CHL1: variants seen among roughly 807,000 people sequenced by gnomAD.
CHL1 encodes the protein cell adhesion molecule L1 like.
In CHL1, 96 loss-of-function variants were observed where a neutral mutation model predicts 141.9. The ratio of observed to expected loss-of-function variants is 0.68; its 90% confidence interval spans 0.57 to 0.80. The LOEUF (loss-of-function observed/expected upper bound fraction) is 0.80. Among genes scored for constraint, CHL1 ranks in the 30% least tolerant of loss-of-function variants. CHL1 has a pLI of 0.00. For synonymous variants in CHL1, 613 were observed against 502.2 expected (o/e 1.22, Z -2.95); for missense variants, 1,820 against 1,457.2 (o/e 1.25, Z -4.05).
chr3:215,061 C>G (rs558000814), intron 1 of CHL1, among the ~76,000 whole-genome samples: 2 of 152,046 alleles, frequency 1.3e-5, no homozygotes, highest in African/African-American at 4.8e-5. Flanking sequence ...CTCATGCTAG[C>G]AAAATGAAAA....
At chr3:337,185 GT>G (rs1159691986) in intron 5 of CHL1, among the ~76,000 whole-genome samples, 10 of 81,130 alleles carry the variant, frequency 1.2e-4, no homozygotes, top group African/African-American at 3.4e-4. Flanking sequence ...ACATTCTTTT[GT>G]TTTTGTTTTT....
intron 2 of CHL1, among the ~76,000 whole-genome samples, chr3:278,946 C>T (rs1361646933): frequency 1.3e-5 from 2 of 152,150 alleles, no homozygotes; most frequent in Non-Finnish European, 2.9e-5. Flanking sequence ...CCTTGCCTTT[C>T]GAATGGTTTC....
intron 2 of CHL1, among the ~76,000 whole-genome samples, chr3:284,214 CAG>C (rs1304868171): frequency 3.3e-5 from 5 of 152,192 alleles, no homozygotes; most frequent in Non-Finnish European, 5.9e-5. Flanking sequence ...AAGGGAAAGA[CAG>C]GGGGGCTGCA....
chr3:219,447 T>C (rs1700629925), intron 1 of CHL1, among the ~76,000 whole-genome samples: 1 of 152,110 alleles, frequency 6.6e-6, no homozygotes, highest in Admixed American at 6.5e-5. Context: ...ATCAATGACA[T>C]CAATAACAGA....
intron 10 of CHL1, among the ~76,000 whole-genome samples, chr3:352,104 C>G (rs1703316654): frequency 1.3e-5 from 2 of 152,012 alleles, no homozygotes; most frequent in African/African-American, 4.8e-5. Flanking sequence ...AATTATAGAG[C>G]CATAGTATAA....
intron 1 of CHL1, among the ~76,000 whole-genome samples, chr3:223,366 A>G (rs331854): frequency 6.6e-6 from 1 of 152,096 alleles, no homozygotes; most frequent in Non-Finnish European, 1.5e-5. Flanking sequence ...TTATGGAGGT[A>G]AGATGACTTT....
intron 1 of CHL1, among the ~76,000 whole-genome samples, chr3:234,419 T>C (rs1398913151): frequency 6.6e-6 from 1 of 151,998 alleles, no homozygotes; most frequent in African/African-American, 2.4e-5. Context: ...ATTTATTGTC[T>C]CCCAAGGTTC....
At chr3:259,017 T>G (rs2125181521) in intron 2 of CHL1, among the ~76,000 whole-genome samples, 1 of 150,314 alleles carries the variant, frequency 6.7e-6, no homozygotes, top group East Asian at 2.0e-4. Context: ...CATTGCAGCC[T>G]CGACTTCCTG....
intron 1 of CHL1, among the ~76,000 whole-genome samples, chr3:211,934 G>C (rs934876593): frequency 6.6e-6 from 1 of 152,140 alleles, no homozygotes; most frequent in Non-Finnish European, 1.5e-5. Flanking sequence ...TGGAACAAAC[G>C]TGTGGGAGTG....
intron 3 of CHL1, 51 bp from the exon 4 acceptor site, chr3:325,908 C>T (rs534700414): frequency 7.9e-7 from 1 of 1,260,334 alleles, no homozygotes; most frequent in South Asian, 1.3e-5. Context: ...ATAGATTAAC[C>T]TTGCCTGCTG....
At chr3:235,187 C>G (rs1691846035) in intron 1 of CHL1, among the ~76,000 whole-genome samples, 1 of 151,902 alleles carries the variant, frequency 6.6e-6, no homozygotes, top group Non-Finnish European at 1.5e-5. Flanking sequence ...ATTTGTGTCA[C>G]TAATCTTGCG....
At chr3:337,246 A>G (rs564306844) in intron 5 of CHL1, among the ~76,000 whole-genome samples, 52 of 135,934 alleles carry the variant, frequency 3.8e-4, no homozygotes, top group Admixed American at 1.5e-3. Context: ...GCTGGAGGGC[A>G]GTGGCACAAT....
chr3:284,484 T>G (rs1279619135), intron 2 of CHL1, among the ~76,000 whole-genome samples: 1 of 152,200 alleles, frequency 6.6e-6, no homozygotes, highest in Non-Finnish European at 1.5e-5. Flanking sequence ...GTGTGAGAAG[T>G]CTGACGTTTT....
chr3:285,788 CCAA>C (rs1270118906), intron 2 of CHL1, among the ~76,000 whole-genome samples: 1 of 151,974 alleles, frequency 6.6e-6, no homozygotes, highest in East Asian at 1.9e-4. Flanking sequence ...TGACCTAAAA[CCAA>C]CAACAACAAT....
intron 2 of CHL1, among the ~76,000 whole-genome samples, chr3:314,329 G>GTGTGTATATATATA (rs1455318071): frequency 9.2e-5 from 6 of 65,328 alleles, no homozygotes; most frequent in African/African-American, 3.1e-4. Flanking sequence ...CTCTCTATGT[G>GTGTGTATATATATA]TATATATATA....
intron 5 of CHL1, 146 bp downstream of exon 5, chr3:328,500 T>C: frequency 3.4e-6 from 2 of 595,794 alleles, no homozygotes; most frequent in East Asian, 6.4e-5. Context: ...AAAAATTTCC[T>C]CCAGGTCTTG....
intron 10 of CHL1, among the ~76,000 whole-genome samples, chr3:352,698 T>C (rs1703371084): frequency 6.6e-6 from 1 of 152,162 alleles, no homozygotes; most frequent in Admixed American, 6.5e-5. Flanking sequence ...AGCTTACTTC[T>C]ATAGGAGAAA....
At chr3:228,156 T>C (rs73815945) in intron 1 of CHL1, among the ~76,000 whole-genome samples, 1,704 of 152,332 alleles carry the variant, frequency 0.011, 32 homozygotes, top group African/African-American at 0.039. Context: ...GTTAATGTTA[T>C]TGGAATGTAT....
chr3:394,824 G>A lies in CHL1; in HGVS notation c.3046G>A (p.Gly1016Ser). The change falls in exon 24 of 28, where the codon GGC (glycine) becomes AGC (serine). Residue 1016 changes from glycine (G) to serine (S), a missense_variant. Gly to Ser is a moderately conservative substitution (Grantham distance 56). Coordinates refer to ENST00000256509, the MANE Select transcript of CHL1 (RefSeq NM_006614.4). ...KFYLRACTSQ[G>S]CGKPITEESS... ...CTACTTGAGGGCTTGCACTTCACAG[G>A]GCTGTGGAAAACCGATCACGGAGGA... is the stretch of plus-strand genomic sequence containing the variant. 1.2e-6 allele frequency: 2 copies of A among 1,613,816 alleles called. No homozygotes were observed. Among genetic ancestry groups the A allele is most frequent in the Non-Finnish European group, 1.7e-6 (2 of 1,179,910 alleles).
Sources: allele counts gnomAD v4.1 joint callset (sites outside exome capture counted in the v4.1 genomes callset), GRCh38; gene constraint gnomAD v4.1.1; transcripts MANE v1.5; gene names NCBI Gene and HGNC (gene_info 2026-07-23, HGNC 2026-07-21).